PPP4R2: variants seen among roughly 807,000 people sequenced by gnomAD.
PPP4R2 encodes protein phosphatase 4 regulatory subunit 2.
PPP4R2 carries 13 observed loss-of-function variants against 47.2 expected under a neutral mutation model. That is an observed-to-expected ratio of 0.28 (90% CI 0.18 to 0.44). The LOEUF is 0.44. PPP4R2 is among the 20% of genes least tolerant of loss of function. PPP4R2 has a pLI of 1.00. For missense variants in PPP4R2, 421 were observed against 491.2 expected (o/e 0.86, Z 1.35); for synonymous variants, 151 against 163.3 (o/e 0.92, Z 0.57).
chr3:73,036,462 G>A (rs796921109), intron 2 of PPP4R2, among the ~76,000 whole-genome samples: 20 of 152,262 alleles, frequency 1.3e-4, no homozygotes, highest in African/African-American at 4.3e-4. Flanking sequence ...ACCAATACAC[G>A]TTGCAAACAT....
In PPP4R2 at chr3:73,067,549, T is replaced by C. The variant is rs1464161248; in HGVS notation, c.*1827T>C. 1 of 152,172 alleles carries C rather than the reference T, an allele frequency of 6.6e-6. No individual in the cohort carries two copies. Among genetic ancestry groups the C allele is most frequent in the Non-Finnish European group, 1.5e-5 (1 of 68,000 alleles). The allele number at this position is 152,172 out of a possible 1,614,324, so 9.4% of individuals were successfully genotyped here. A position where few individuals can be genotyped will look rare whatever the true frequency, so the allele number is the denominator to read the frequency against. ...CCAAGAGGGGAGAAAAATTAACCAT[T>C]GTAAATTTTTAAAAAATTTTTCAAA... On this transcript the variant is annotated 3_prime_UTR_variant, in exon 9 of 9. Transcript: ENST00000356692.
intron 2 of PPP4R2, among the ~76,000 whole-genome samples, chr3:73,003,246 C>G (rs1452227384): frequency 6.7e-6 from 1 of 149,172 alleles, no homozygotes; most frequent in African/African-American, 2.5e-5. Context: ...GAGTCTCACT[C>G]TGTTGCCCAG....
chr3:73,014,952 C>T lies in PPP4R2; in HGVS notation c.116+16794C>T, dbSNP rs548577835. 1,174 of 696,196 alleles carry T rather than the reference C, an allele frequency of 1.7e-3. 15 individuals are homozygous for T. The African/African-American group carries it at 0.018, about 11-fold the overall frequency. The allele number at this position is 696,196 out of a possible 1,614,324, so 43.1% of individuals were successfully genotyped here. A position where few individuals can be genotyped will look rare whatever the true frequency, so the allele number is the denominator to read the frequency against. ...ACCCTGGCCTCAAGTGATCCACCTG[C>T]CTCAACTTCCCAAACTGCGGGGATT... On this transcript the variant is annotated intron_variant, in intron 2 of 8. Coordinates refer to ENST00000356692, the MANE Select transcript of PPP4R2 (RefSeq NM_174907.4).
At chr3:73,046,112 G>A (rs1702481292) in intron 2 of PPP4R2, among the ~76,000 whole-genome samples, 1 of 152,152 alleles carries the variant, frequency 6.6e-6, no homozygotes, top group Non-Finnish European at 1.5e-5. Flanking sequence ...TTCTGCTACA[G>A]CTAGTAATAC....
intron 5 of PPP4R2, chr3:73,062,245 C>T: frequency 6.3e-7 from 1 of 1,598,940 alleles, no homozygotes; most frequent in African/African-American, 1.4e-5. Flanking sequence ...AGAAAGGACT[C>T]ACAGCCCAGC....
At position 73,045,719 on chromosome 3, in the gene PPP4R2, G is replaced by A. The variant is rs552616696; in HGVS notation, c.117-1467G>A. Among the ~76,000 whole-genome samples the A allele has an allele frequency of 9.7e-4, 147 of 152,026 alleles. 1 individual carries two copies. The highest frequency in any genetic ancestry group is 9.4e-4 in the Non-Finnish European group (64 of 67,986). On this transcript the variant is annotated intron_variant, in intron 2 of 8. Transcript: ENST00000356692. The stretch of plus-strand genomic sequence containing the variant: ...TTTTTGTATTTTTAGTAAAGACAGG[G>A]TTTCACCATGTTGGCCAGGCTGATC...
intron 2 of PPP4R2, among the ~76,000 whole-genome samples, chr3:73,020,051 T>A (rs139531927): frequency 7.9e-5 from 12 of 152,346 alleles, no homozygotes; most frequent in Admixed American, 2.0e-4. Flanking sequence ...TTTACTGTCT[T>A]AGCTTGGGAT....
intron 2 of PPP4R2, among the ~76,000 whole-genome samples, chr3:73,015,507 G>A (rs1478702918): frequency 8.7e-6 from 1 of 114,456 alleles, no homozygotes; most frequent in Non-Finnish European, 1.8e-5. Flanking sequence ...TTAGGGTCTC[G>A]CTCTGTCGCC....
At chr3:73,045,347 T>G (rs1429489635) in intron 2 of PPP4R2, among the ~76,000 whole-genome samples, 1 of 152,026 alleles carries the variant, frequency 6.6e-6, no homozygotes, top group Non-Finnish European at 1.5e-5. Context: ...TCAGAATATT[T>G]TGGGACTATA....
intron 2 of PPP4R2, among the ~76,000 whole-genome samples, chr3:73,024,782 C>T (rs1049799653): frequency 6.6e-6 from 1 of 152,052 alleles, no homozygotes; most frequent in African/African-American, 2.4e-5. Flanking sequence ...GCATCAAATT[C>T]ATTTAAAAAT....
At chr3:73,051,335 TTTGTAATAAGTGCAGATA>T in intron 3 of PPP4R2, among the ~76,000 whole-genome samples, 1 of 152,350 alleles carries the variant, frequency 6.6e-6, no homozygotes, top group African/African-American at 2.4e-5. Context: ...GATGCTTTCT[TTTGTAATAAGTGCAGATA>T]TTGTAATTCT....
chr3:73,062,879 C>T, intron 5 of PPP4R2: 2 of 1,611,126 alleles, frequency 1.2e-6, no homozygotes, highest in African/African-American at 1.3e-5. Flanking sequence ...CCCCTCTACA[C>T]AAGCTACGCA....
chr3:73,022,930 G>A (rs1265982291), intron 2 of PPP4R2, among the ~76,000 whole-genome samples: 1 of 152,074 alleles, frequency 6.6e-6, no homozygotes, highest in Non-Finnish European at 1.5e-5. Context: ...AGTATTCAGT[G>A]TAAATAGGCT....
rs550226710 is a variant in PPP4R2 at position 73,031,317 on chromosome 3, A to C, written c.117-15869A>C. 5.3e-5 allele frequency among the ~76,000 whole-genome samples: 8 copies of C among 152,152 alleles called. No individual in the cohort carries two copies. In the East Asian group the frequency reaches 1.6e-3, roughly 30 times the overall value. ...CACTTTGGGAGGCCAAGGCAGGTGG[A>C]TCACCTGAGGCCAGGAGTTCGAGAC... On this transcript the variant is annotated intron_variant, in intron 2 of 8. Transcript: ENST00000356692.
intron 2 of PPP4R2, among the ~76,000 whole-genome samples, chr3:73,024,074 A>T (rs1416842616): frequency 6.6e-6 from 1 of 151,948 alleles, no homozygotes; most frequent in Non-Finnish European, 1.5e-5. Context: ...GATTTTATAG[A>T]TATGATTGGC....
chr3:73,015,377 A>G (rs1575846891), intron 2 of PPP4R2, among the ~76,000 whole-genome samples: 1 of 151,390 alleles, frequency 6.6e-6, no homozygotes, highest in Non-Finnish European at 1.5e-5. Flanking sequence ...GGGTTTTGCC[A>G]TGTTGGCCAT....
At chr3:73,014,754 T>C (rs960454196) in intron 2 of PPP4R2, among the ~76,000 whole-genome samples, 1 of 152,228 alleles carries the variant, frequency 6.6e-6, no homozygotes, top group African/African-American at 2.4e-5. Context: ...CTTTTTCAGA[T>C]TTTTTGGCTA....
rs533251185 is a variant in PPP4R2 at position 73,065,839 on chromosome 3, A to G, written c.*117A>G. ...TTACAAGAGAAGCAGGTTGTAAAAT[A>G]AAGTACTTTATGGATAATTCCTGAA... On this transcript the variant is annotated 3_prime_UTR_variant, in exon 9 of 9. Coordinates refer to ENST00000356692, the MANE Select transcript of PPP4R2 (RefSeq NM_174907.4). The G allele has an allele frequency of 4.7e-5, 31 of 660,368 alleles. No individual in the cohort carries two copies. In the East Asian group the frequency reaches 8.3e-4, roughly 18 times the overall value. 40.9% of individuals were successfully genotyped at this position (660,368 alleles called of 1,614,324 possible).
chr3:73,063,338 A>AAAAGG (rs373842049), intron 5 of PPP4R2: 33 of 172,810 alleles, frequency 1.9e-4, no homozygotes, highest in African/African-American at 8.3e-4. Flanking sequence ...AAAAAAAAAA[A>AAAAGG]AAGTCCAGGT....
Sources: allele counts gnomAD v4.1 joint callset (sites outside exome capture counted in the v4.1 genomes callset), GRCh38; gene constraint gnomAD v4.1.1; transcripts MANE v1.5; gene names NCBI Gene and HGNC (gene_info 2026-07-23, HGNC 2026-07-21).